The following NAA30 variants were observed in gnomAD, a reference collection of about 807,000 sequenced individuals.
The protein encoded by NAA30 is N-alpha-acetyltransferase 30.
In NAA30, 5 loss-of-function variants were observed where a neutral mutation model predicts 31.4. The observed-to-expected ratio is 0.16, with a 90% CI of 0.08 to 0.33. NAA30 has a LOEUF of 0.33. Ranked by LOEUF, NAA30 falls within the 10% of genes least tolerant of loss-of-function variation. The pLI is 1.00. For missense variants in NAA30, 428 were observed against 490.8 expected (o/e 0.87, Z 1.21); for synonymous variants, 222 against 207.1 (o/e 1.07, Z -0.62).
intron 4 of NAA30, among the ~76,000 whole-genome samples, chr14:57,403,645 A>G (rs1369907737): frequency 6.6e-6 from 1 of 152,222 alleles, no homozygotes; most frequent in African/African-American, 2.4e-5. Context: ...TAAGAAATAT[A>G]TTACCAGTAT....
At chr14:57,394,900 C>T (rs1381215503) in intron 2 of NAA30, among the ~76,000 whole-genome samples, 1 of 152,084 alleles carries the variant, frequency 6.6e-6, no homozygotes, top group African/African-American at 2.4e-5. Flanking sequence ...TCACCTGAGC[C>T]TGGCTTATGA....
chr14:57,407,161 T>G (rs893183142), intron 4 of NAA30, among the ~76,000 whole-genome samples: 2 of 152,178 alleles, frequency 1.3e-5, no homozygotes, highest in Admixed American at 6.5e-5. Context: ...AGTGCTGGGA[T>G]TATAGACATG....
Position 57,413,331 on chromosome 14 carries a change from T to C in NAA30, c.*3815T>C, listed in dbSNP as rs1408813895. The C allele has an allele frequency of 6.6e-6, 1 of 152,248 alleles. No individual in the cohort carries two copies. The highest frequency in any genetic ancestry group is 1.5e-5 in the Non-Finnish European group (1 of 68,044). 9.4% of individuals were successfully genotyped at this position (152,248 alleles called of 1,614,324 possible). Reference sequence around the variant, plus strand: ...CATGCCAAATCTTTACATTATTCTTTAGAGTAATACTGTAAAAGTATCTGA... The same window carrying C: ...CATGCCAAATCTTTACATTATTCTTCAGAGTAATACTGTAAAAGTATCTGA... On this transcript the variant is annotated 3_prime_UTR_variant, in exon 5 of 5. Coordinates refer to ENST00000556492, the MANE Select transcript of NAA30 (RefSeq NM_001011713.3).
chr14:57,406,608 C>T (rs2066499150), intron 4 of NAA30, among the ~76,000 whole-genome samples: 1 of 152,176 alleles, frequency 6.6e-6, no homozygotes, highest in African/African-American at 2.4e-5. Flanking sequence ...GCACATAGTA[C>T]AGCTCCAATA....
At position 57,412,295 on chromosome 14, in the gene NAA30, A is replaced by T. The variant is rs2066527096; in HGVS notation, c.*2779A>T. ...AATTACCCTTCCCACTTGCTCGACA[A>T]ATCTATGTAAAGCAGTTTGTTTTTT... is the stretch of plus-strand genomic sequence containing the variant. On this transcript the variant is annotated 3_prime_UTR_variant, in exon 5 of 5. Transcript: ENST00000556492. 1 of 152,160 alleles carries T rather than the reference A, an allele frequency of 6.6e-6. No homozygotes were observed. The highest frequency in any genetic ancestry group is 1.5e-5 in the Non-Finnish European group (1 of 68,022). 9.4% of individuals were successfully genotyped at this position (152,160 alleles called of 1,614,324 possible). A position where few individuals can be genotyped will look rare whatever the true frequency, so the allele number is the denominator to read the frequency against.
rs115688539 is a variant in NAA30 at position 57,403,650 on chromosome 14, C to T, written c.951+3767C>T. On this transcript the variant is annotated intron_variant, in intron 4 of 4. Transcript: ENST00000556492. Reference sequence around the variant, plus strand: ...ACTTGATGAGTAAGAAATATATTACCAGTATGCTGATCTGGCTTAAATTTG... The same window carrying T: ...ACTTGATGAGTAAGAAATATATTACTAGTATGCTGATCTGGCTTAAATTTG... 1.9e-3 allele frequency among the ~76,000 whole-genome samples: 290 copies of T among 152,222 alleles called. 4 individuals are homozygous for T. Among genetic ancestry groups the T allele is most frequent in the African/African-American group, 6.8e-3 (281 of 41,526 alleles).
At chr14:57,404,820 C>T (rs115214129) in intron 4 of NAA30, among the ~76,000 whole-genome samples, 2,077 of 152,198 alleles carry the variant, frequency 0.014, 45 homozygotes, top group African/African-American at 0.047. Flanking sequence ...AATTCACTCA[C>T]GAGAACAGCA....
chr14:57,401,945 GTTAC>G (rs1566550221), intron 4 of NAA30, among the ~76,000 whole-genome samples: 1 of 152,168 alleles, frequency 6.6e-6, no homozygotes, highest in Admixed American at 6.5e-5. Flanking sequence ...AACAATGAAT[GTTAC>G]TTAATCTTTA....
chr14:57,409,428 A>T lies in NAA30; in HGVS notation c.1001A>T (p.Glu334Val). The T allele has an allele frequency of 6.2e-7, 1 of 1,611,112 alleles. No individual in the cohort carries two copies. Among genetic ancestry groups the T allele is most frequent in the South Asian group, 1.1e-5 (1 of 90,482 alleles). Residue 334 changes from glutamate to valine, a missense_variant, in exon 5 of 5, where the codon GAA becomes GTA. Physicochemically the swap from Glu to Val is moderately radical, Grantham distance 121. Around this residue, in one of 2 missense-constraint regions of NAA30, gnomAD observed 79 missense variants for 180.3 expected, o/e 0.44. Coordinates refer to ENST00000556492, the MANE Select transcript of NAA30 (RefSeq NM_001011713.3). ...ITNKSALKLY[E>V]NLGFVRDKRL... is the part of the protein sequence containing the mutation. Reference sequence around the variant, plus strand: ...AATAAGTCCGCTTTGAAACTTTATGAAAATCTTGGTTTTGTTCGAGATAAG... The same window carrying T: ...AATAAGTCCGCTTTGAAACTTTATGTAAATCTTGGTTTTGTTCGAGATAAG...
In NAA30 at chr14:57,391,063, G is replaced by T; in HGVS notation, c.106G>T (p.Ala36Ser). Residue 36 changes from alanine (A) to serine (S), a missense_variant, in exon 2 of 5, where the codon GCC becomes TCC. Physicochemically the swap from Ala to Ser is moderately conservative, Grantham distance 99. Transcript: ENST00000556492. The surrounding 1 kb of genome is among the most constrained non-coding windows in gnomAD (Gnocchi z 4.1). ...RCPFPAGAAL[A>S]CCSEDEEDDE... ...TCCCTTCCCGGCGGGGGCCGCCCTCGCCTGCTGCAGCGAGGACGAGGAGGA... is the reference window on the plus strand; with the variant it reads ...TCCCTTCCCGGCGGGGGCCGCCCTCTCCTGCTGCAGCGAGGACGAGGAGGA... 1.3e-6 allele frequency: 2 copies of T among 1,520,774 alleles called. No homozygotes were observed. Among genetic ancestry groups the T allele is most frequent in the Non-Finnish European group, 1.8e-6 (2 of 1,140,846 alleles). The allele number at this position is 1,520,774 out of a possible 1,614,324, so 94.2% of individuals were successfully genotyped here. A position where few individuals can be genotyped will look rare whatever the true frequency, so the allele number is the denominator to read the frequency against.
At chr14:57,402,332 A>G (rs1169367917) in intron 4 of NAA30, among the ~76,000 whole-genome samples, 6 of 152,212 alleles carry the variant, frequency 3.9e-5, no homozygotes, top group African/African-American at 1.4e-4. Context: ...CCTTAGCACA[A>G]TGTAGGACAG....
rs1487940323 is a variant in NAA30, at chr14:57,399,814, G to A, written c.896-14G>A. On this transcript the variant is annotated splice_polypyrimidine_tract_variant and intron_variant, in intron 3 of 4. Transcript: ENST00000556492. The stretch of plus-strand genomic sequence containing the variant: ...TACATTTTTCCTTCATTAATACTCA[G>A]ATCTATATTCTAGGTACTAACTTGG... The A allele has an allele frequency of 5.1e-6, 7 of 1,369,150 alleles. No homozygotes were observed. The highest frequency in any genetic ancestry group is 1.2e-5 in the South Asian group (1 of 81,718). 84.8% of individuals were successfully genotyped at this position (1,369,150 alleles called of 1,614,324 possible). A position where few individuals can be genotyped will look rare whatever the true frequency, so the allele number is the denominator to read the frequency against.
In NAA30 at chr14:57,412,927, A is replaced by G. The variant is rs192094001; in HGVS notation, c.*3411A>G. ...TCACTGTTGTGTGTTCTGACAAAGT[A>G]AATTTGAAAATAACATGAACTTGAT... On this transcript the variant is annotated 3_prime_UTR_variant, in exon 5 of 5. Transcript: ENST00000556492. 6.6e-6 allele frequency: 1 copy of G among 152,360 alleles called. No homozygotes were observed. Among genetic ancestry groups the G allele is most frequent in the East Asian group, 1.9e-4 (1 of 5,194 alleles). The allele number at this position is 152,360 out of a possible 1,614,324, so 9.4% of individuals were successfully genotyped here.
intron 1 of NAA30, 95 bp from the exon 2 acceptor site, chr14:57,390,860 TCC>T: frequency 8.0e-7 from 1 of 1,255,794 alleles, no homozygotes; most frequent in Non-Finnish European, 1.0e-6. Flanking sequence ...CTGCCTTTGT[TCC>T]CCCCACCTCG....
chr14:57,406,987 G>A (rs1255308646), intron 4 of NAA30, among the ~76,000 whole-genome samples: 6 of 152,030 alleles, frequency 3.9e-5, no homozygotes, highest in Admixed American at 2.0e-4. Context: ...CAACCCCCTC[G>A]GCTCAAGTGA....
At chr14:57,406,670 A>G (rs1233658733) in intron 4 of NAA30, among the ~76,000 whole-genome samples, 3 of 152,340 alleles carry the variant, frequency 2.0e-5, no homozygotes, top group Non-Finnish European at 4.4e-5. Flanking sequence ...CGTGAAATCA[A>G]TTCCAAGTTT....
chr14:57,409,512 G>A lies in NAA30; in HGVS notation c.1085G>A (p.Arg362His), dbSNP rs1399850982. ...GCACTGCGACTTAAACTGTGGCTGC[G>A]TTGAGAAACTGACATCAAGGAACAA... ...VDALRLKLWL[R>H] Residue 362 changes from arginine (R) to histidine (H), a missense_variant, in exon 5 of 5, where the codon CGT becomes CAT. Arg to His is a conservative substitution (Grantham distance 29). Coordinates refer to ENST00000556492, the MANE Select transcript of NAA30 (RefSeq NM_001011713.3). 7 of 1,596,072 alleles carry A rather than the reference G, an allele frequency of 4.4e-6. No individual in the cohort carries two copies. Among genetic ancestry groups the A allele is most frequent in the Non-Finnish European group, 6.0e-6 (7 of 1,174,102 alleles).
chr14:57,403,685 C>G (rs897914897), intron 4 of NAA30, among the ~76,000 whole-genome samples: 2 of 152,254 alleles, frequency 1.3e-5, no homozygotes, highest in East Asian at 3.9e-4. Flanking sequence ...GTTTACACCC[C>G]CTGCACGCTC....
chr14:57,406,839 T>C (rs1236540157), intron 4 of NAA30, among the ~76,000 whole-genome samples: 1 of 152,188 alleles, frequency 6.6e-6, no homozygotes, highest in Non-Finnish European at 1.5e-5. Flanking sequence ...TTACAGACTC[T>C]AGTATGACAT....
Sources: gnomAD v4.1 joint callset for allele counts (sites outside exome capture counted in the v4.1 genomes callset) on GRCh38, gnomAD v4.1.1 for gene constraint, gnomAD v4.1.1 regional missense constraint, Gnocchi (gnomAD v3.1) non-coding constraint, MANE v1.5 for transcripts, NCBI Gene and HGNC (gene_info 2026-07-23, HGNC 2026-07-21) for gene names.